The following LOXL2 variants were observed in gnomAD, a reference collection of about 807,000 sequenced individuals.
LOXL2 encodes lysyl oxidase homolog 2.
A neutral mutation model predicts 93.0 loss-of-function variants in LOXL2; 70 were observed. That is an observed-to-expected ratio of 0.75 (90% CI 0.62 to 0.92). The LOEUF (loss-of-function observed/expected upper bound fraction) is 0.92. Among genes scored for constraint, LOXL2 ranks in the 40% least tolerant of loss-of-function variants. The probability of loss-of-function intolerance (pLI) is 0.00; values close to 1 mark genes in which losing one functional copy is unlikely to be tolerated. For synonymous variants in LOXL2, 438 were observed against 413.2 expected, an observed-to-expected ratio of 1.06 and a Z score of -0.73; for missense variants, 973 against 1,054.9, an observed-to-expected ratio of 0.92 and a Z score of 1.08.
chr8:23,380,388 T>G (rs1804664746), intron 1 of LOXL2, among the ~76,000 whole-genome samples: 1 of 17,012 alleles, frequency 5.9e-5, no homozygotes, highest in Non-Finnish European at 9.3e-5. Context: ...CGAGACTCCG[T>G]CTCAAAAAAA....
chr8:23,321,050 G>A (rs774706472), intron 7 of LOXL2, among the ~76,000 whole-genome samples: 16 of 138,180 alleles, frequency 1.2e-4, no homozygotes, highest in African/African-American at 1.6e-4. Context: ...ACATCCTGTC[G>A]GTCTTCACCT....
chr8:23,304,288 C>T (rs1050232348), intron 10 of LOXL2, among the ~76,000 whole-genome samples: 4 of 152,256 alleles, frequency 2.6e-5, no homozygotes, highest in African/African-American at 9.6e-5. Flanking sequence ...TCTTGGAACA[C>T]ATGCGCTTGG....
intron 2 of LOXL2, among the ~76,000 whole-genome samples, chr8:23,361,010 C>T (rs1804281345): frequency 6.6e-6 from 1 of 152,010 alleles, no homozygotes; most frequent in East Asian, 1.9e-4. Context: ...AAGTGATTCC[C>T]CTGCCTCAGC....
intron 2 of LOXL2, among the ~76,000 whole-genome samples, chr8:23,361,901 G>A (rs1224568736): frequency 6.6e-6 from 1 of 152,148 alleles, no homozygotes; most frequent in Non-Finnish European, 1.5e-5. Flanking sequence ...GCTGGCAAGG[G>A]TATGGAAACT....
chr8:23,352,114 C>G lies in LOXL2; in HGVS notation c.531+7976G>C, dbSNP rs552171104. Among the ~76,000 whole-genome samples, 10 of 152,312 alleles carry G rather than the reference C, an allele frequency of 6.6e-5. 1 individual carries two copies. The South Asian group carries it at 2.1e-3, about 32-fold the overall frequency. On this transcript the variant is annotated intron_variant, in intron 3 of 13. Coordinates refer to ENST00000389131, the MANE Select transcript of LOXL2 (RefSeq NM_002318.3). ...CAGGCGTGAGCCACCGTGCCCAGCC[C>G]TGGACAGGATGTTATACATCCTCTT...
At chr8:23,390,383 T>C (rs1804823432) in intron 1 of LOXL2, among the ~76,000 whole-genome samples, 1 of 152,244 alleles carries the variant, frequency 6.6e-6, no homozygotes, top group Non-Finnish European at 1.5e-5. Flanking sequence ...CCGGGCTGTC[T>C]GATCCACTTG....
rs965296210 is a variant in LOXL2 at position 23,339,528 on chromosome 8, G to A, written c.743+1464C>T. ...CCGAGAAGGACTCTGGACTGGCCAC[G>A]GTTGGGAGATGGCTTCCAAACGCCA... On this transcript the variant is annotated intron_variant, in intron 4 of 13. Coordinates refer to ENST00000389131, the MANE Select transcript of LOXL2 (RefSeq NM_002318.3). Among the ~76,000 whole-genome samples the A allele has an allele frequency of 3.9e-5, 6 of 152,350 alleles. 1 individual carries two copies. The highest frequency in any genetic ancestry group is 3.9e-4 in the East Asian group (2 of 5,190).
intron 1 of LOXL2, among the ~76,000 whole-genome samples, chr8:23,377,301 G>A (rs560356889): frequency 3.3e-5 from 5 of 152,310 alleles, no homozygotes; most frequent in Non-Finnish European, 5.9e-5. Context: ...TGTGGTCTGA[G>A]AGACAGTTTG....
At chr8:23,388,166 A>G (rs1315166356) in intron 1 of LOXL2, among the ~76,000 whole-genome samples, 2 of 152,244 alleles carry the variant, frequency 1.3e-5, no homozygotes, top group African/African-American at 4.8e-5. Flanking sequence ...ACTAAGCTGC[A>G]TAATGCAGTT....
At position 23,368,083 on chromosome 8, in the gene LOXL2, A is replaced by T; in HGVS notation, c.269T>A (p.Ile90Asn). Residue 90 changes from isoleucine (I) to asparagine (N), a missense_variant, in exon 2 of 14, where the codon ATC (isoleucine) becomes AAC (asparagine). Ile to Asn is a moderately radical substitution (Grantham distance 149, BLOSUM62 -3). Transcript: ENST00000389131. Reference sequence around the variant, plus strand: ...CCGGCAGACGACGTGGGCAGCGTGGATGGAGAAGTCGTCATCGCACACGGT... The same window carrying T: ...CCGGCAGACGACGTGGGCAGCGTGGTTGGAGAAGTCGTCATCGCACACGGT... ...WGTVCDDDFS[I>N]HAAHVVCREL... The T allele has an allele frequency of 6.2e-7, 1 of 1,614,066 alleles. No homozygotes were observed. Among genetic ancestry groups the T allele is most frequent in the South Asian group, 1.1e-5 (1 of 91,086 alleles).
chr8:23,351,314 C>G (rs1438964497), intron 3 of LOXL2, among the ~76,000 whole-genome samples: 1 of 152,188 alleles, frequency 6.6e-6, no homozygotes, highest in Non-Finnish European at 1.5e-5. Context: ...CTGCCCTAGT[C>G]ACATCACCAG....
In LOXL2 at chr8:23,379,388, C is replaced by T. The variant is rs187979647; in HGVS notation, c.-83-10954G>A. On this transcript the variant is annotated intron_variant, in intron 1 of 13. Transcript: ENST00000389131. ...AGTTAGGCTACTCGGGGGTCAGGGA[C>T]CCACTTGAGGAGGCAGTCTTCCTGT... Among the ~76,000 whole-genome samples, 21 of 152,326 alleles carry T rather than the reference C, an allele frequency of 1.4e-4. No individual in the cohort carries two copies. In the East Asian group the frequency reaches 3.9e-3, roughly 28 times the overall value.
chr8:23,348,101 T>C (rs1466396387), intron 3 of LOXL2, among the ~76,000 whole-genome samples: 1 of 152,076 alleles, frequency 6.6e-6, no homozygotes, highest in East Asian at 1.9e-4. Context: ...TTCATGTCCT[T>C]TGCAGGGACA....
rs189347316 is a variant in LOXL2 at position 23,323,740 on chromosome 8, T to C, written c.1151-1459A>G. On this transcript the variant is annotated intron_variant, in intron 6 of 13. Transcript: ENST00000389131. The stretch of plus-strand genomic sequence containing the variant: ...GGGGTGGGACGAACTCTTGCTCTGT[T>C]GCCCAGGCTGGAGTGCAGTGACGCC... Among the ~76,000 whole-genome samples the C allele has an allele frequency of 2.6e-3, 396 of 152,188 alleles. 2 individuals are homozygous for C. Among genetic ancestry groups the C allele is most frequent in the African/African-American group, 9.1e-3 (378 of 41,520 alleles).
At chr8:23,361,974 G>A (rs1804300426) in intron 2 of LOXL2, among the ~76,000 whole-genome samples, 1 of 152,206 alleles carries the variant, frequency 6.6e-6, no homozygotes, top group Admixed American at 6.5e-5. Context: ...AAACAGTACG[G>A]TGTTTCCTTA....
chr8:23,353,009 G>C (rs867650286), intron 3 of LOXL2, among the ~76,000 whole-genome samples: 1 of 140,552 alleles, frequency 7.1e-6, no homozygotes, highest in African/African-American at 2.5e-5. Flanking sequence ...GGTGGGGTGG[G>C]GAGGGGTGGA....
rs773966241 is a variant in LOXL2 at position 23,368,391 on chromosome 8, G to A, written c.-40C>T. On this transcript the variant is annotated 5_prime_UTR_variant, in exon 2 of 14. Transcript: ENST00000389131. ...TGATGATCCCACGAAGGGGCCCTGC[G>A]CAGCTGGGAGGGACAGGCGGGGTAC... The A allele has an allele frequency of 1.9e-5, 30 of 1,555,286 alleles. No homozygotes were observed. The highest frequency in any genetic ancestry group is 5.0e-5 in the Admixed American group (3 of 59,688).
chr8:23,389,201 C>T (rs1242818519), intron 1 of LOXL2, among the ~76,000 whole-genome samples: 1 of 151,934 alleles, frequency 6.6e-6, no homozygotes, highest in East Asian at 1.9e-4. Context: ...TTCTAGGGTC[C>T]TTTTCTTAGT....
intron 1 of LOXL2, among the ~76,000 whole-genome samples, chr8:23,403,591 G>A (rs1022331231): frequency 2.0e-5 from 3 of 152,058 alleles, no homozygotes; most frequent in Admixed American, 2.0e-4. Context: ...CGGAGACGCT[G>A]TCCCTGGAGC....
Sources: gnomAD v4.1 joint callset for allele counts (sites outside exome capture counted in the v4.1 genomes callset) on GRCh38, gnomAD v4.1.1 for gene constraint, MANE v1.5 for transcripts, NCBI Gene and HGNC (gene_info 2026-07-23, HGNC 2026-07-21) for gene names.